Variants in LAMP1 observed in about 807,000 individuals in gnomAD.
The protein encoded by LAMP1 is lysosome-associated membrane glycoprotein 1.
In LAMP1, 7 loss-of-function variants were observed where a neutral mutation model predicts 37.5. The ratio of observed to expected loss-of-function variants is 0.19; its 90% confidence interval spans 0.11 to 0.35. The LOEUF (loss-of-function observed/expected upper bound fraction) is 0.35. LAMP1 is among the 10% of genes least tolerant of loss of function. The pLI is 1.00. For missense variants in LAMP1, 537 were observed against 552.8 expected (o/e 0.97, Z 0.29); for synonymous variants, 236 against 229.1 (o/e 1.03, Z -0.27).
At chr13:113,316,865 C>T (rs1251876152) in intron 4 of LAMP1, among the ~76,000 whole-genome samples, 1 of 149,144 alleles carries the variant, frequency 6.7e-6, no homozygotes, top group East Asian at 2.0e-4. Context: ...GCAACTGAGA[C>T]TCTGTCTCAA....
chr13:113,298,453 C>T (rs1296828785), intron 1 of LAMP1, among the ~76,000 whole-genome samples: 2 of 148,688 alleles, frequency 1.3e-5, no homozygotes, highest in Non-Finnish European at 3.0e-5. Flanking sequence ...ATCTTAAATG[C>T]CAGGATCTGA....
chr13:113,309,608 C>T (rs2042618208), intron 2 of LAMP1, 35 bp from the exon 3 acceptor site: 1 of 1,504,118 alleles, frequency 6.6e-7, no homozygotes, highest in Non-Finnish European at 9.2e-7. Context: ...TAACCTGCAT[C>T]CCAATTGGGT....
chr13:113,312,031 C>T (rs970055997), intron 4 of LAMP1, among the ~76,000 whole-genome samples: 1 of 152,184 alleles, frequency 6.6e-6, no homozygotes, highest in Admixed American at 6.5e-5. Context: ...ACATCACAGC[C>T]TTCTCTAATC....
intron 1 of LAMP1, among the ~76,000 whole-genome samples, chr13:113,300,501 AAAAAG>A (rs1413413060): frequency 3.3e-5 from 5 of 150,138 alleles, no homozygotes; most frequent in African/African-American, 1.2e-4. Context: ...AAAAAAAAAA[AAAAAG>A]AAAAAGAAAA....
chr13:113,310,718 C>A lies in LAMP1; in HGVS notation c.413C>A (p.Thr138Asn). 1 of 1,578,270 alleles carries A rather than the reference C, an allele frequency of 6.3e-7. No individual in the cohort carries two copies. Among genetic ancestry groups the A allele is most frequent in the Non-Finnish European group, 8.6e-7 (1 of 1,163,130 alleles). Residue 138 changes from threonine to asparagine, a missense_variant, in exon 4 of 9, where the codon ACT becomes AAT. Coordinates refer to ENST00000332556, the MANE Select transcript of LAMP1 (RefSeq NM_005561.4). ...TTTTTTTTTAATCTAGAAATCAAGA[C>A]TGTGGAATCTATAACTGACATCAGG... Reference protein sequence around the residue: ...FPNASSKEIKTVESITDIRAD... With the variant: ...FPNASSKEIKNVESITDIRAD...
chr13:113,316,407 C>A (rs1389870660), intron 4 of LAMP1, among the ~76,000 whole-genome samples: 1 of 141,614 alleles, frequency 7.1e-6, no homozygotes, highest in African/African-American at 2.6e-5. Flanking sequence ...TCATCTCCCA[C>A]CCAATTTGGC....
rs938807573 is a variant in LAMP1, at chr13:113,323,526, T to TGTC, written c.*1106_*1108dup. 1 of 150,828 alleles carries TGTC rather than the reference T, an allele frequency of 6.6e-6. No individual in the cohort carries two copies. The highest frequency in any genetic ancestry group is 2.4e-5 in the African/African-American group (1 of 40,944). The allele number at this position is 150,828 out of a possible 1,614,324, so 9.3% of individuals were successfully genotyped here. On this transcript the variant is annotated 3_prime_UTR_variant, in exon 9 of 9. Transcript: ENST00000332556. ...GGTGGTCTCGGTGCAGAGAGAAGGG[T>TGTC]GTCAGGGAAACGGGGGGTGAGGGTG... is the stretch of plus-strand genomic sequence containing the variant.
chr13:113,319,578 G>A lies in LAMP1; in HGVS notation c.672G>A (p.Val224=), dbSNP rs775096058. 9 of 1,613,838 alleles carry A rather than the reference G, an allele frequency of 5.6e-6. No homozygotes were observed. The highest frequency in any genetic ancestry group is 1.6e-4 in the Middle Eastern group (1 of 6,080). Residue 224 remains valine (V), a synonymous_variant, in exon 5 of 9, where the codon GTG becomes GTA. Coordinates refer to ENST00000332556, the MANE Select transcript of LAMP1 (RefSeq NM_005561.4). ...PKSPSVDKYN[V]SGTNGTCLLA... ...GCCCCTCTGTGGACAAGTACAACGT[G>A]AGCGGCACCAACGGGACCTGCCTGC... is the stretch of plus-strand genomic sequence containing the variant.
intron 4 of LAMP1, among the ~76,000 whole-genome samples, chr13:113,313,935 A>G (rs1239519936): frequency 0.028 from 556 of 19,640 alleles, no homozygotes; most frequent in Admixed American, 0.037. Flanking sequence ...GTGGCCTCCT[A>G]GAGGGAGTCA....
At position 113,320,570 on chromosome 13, in the gene LAMP1, G is replaced by A; in HGVS notation, c.876+100G>A. The A allele has an allele frequency of 7.4e-7, 1 of 1,344,822 alleles. No individual in the cohort carries two copies. Among genetic ancestry groups the A allele is most frequent in the Non-Finnish European group, 1.0e-6 (1 of 990,776 alleles). The allele number at this position is 1,344,822 out of a possible 1,614,324, so 83.3% of individuals were successfully genotyped here. On this transcript the variant is annotated intron_variant, in intron 6 of 8. Transcript: ENST00000332556. The surrounding 1 kb of genome is among the most constrained non-coding windows in gnomAD (Gnocchi z 4.4). ...CATGGGAGGCAGCGTTAGGAAGGAG[G>A]CGGCCTCACTTTTTTCTGCCTTCCC...
rs375412629 is a variant in LAMP1 at position 113,321,405 on chromosome 13, A to G, written c.878A>G (p.Asn293Ser). 7 of 1,612,962 alleles carry G rather than the reference A, an allele frequency of 4.3e-6. No homozygotes were observed. The African/African-American group carries it at 9.3e-5, about 21-fold the overall frequency. ...TTAAAGATCATTTTTCTTTTTAAGA[A>G]TGCAAGTTCTAGCCGGTTTTTCCTA... ...TTVLLFQFGM[N>S]ASSSRFFLQG... The change falls in exon 7 of 9, where the codon AAT (asparagine) becomes AGT (serine). Residue 293 changes from asparagine to serine, a missense_variant and splice_region_variant. Physicochemically the swap from Asn to Ser is conservative, Grantham distance 46. Coordinates refer to ENST00000332556, the MANE Select transcript of LAMP1 (RefSeq NM_005561.4). The surrounding 1 kb of genome is among the most constrained non-coding windows in gnomAD (Gnocchi z 5.6).
chr13:113,301,672 T>A (rs868528725), intron 1 of LAMP1, among the ~76,000 whole-genome samples: 1 of 75,266 alleles, frequency 1.3e-5, no homozygotes. Flanking sequence ...TATATATATA[T>A]ATATATATAT....
At position 113,309,800 on chromosome 13, in the gene LAMP1, A is replaced by T. The variant is rs765586426; in HGVS notation, c.341A>T (p.Gln114Leu). 21 of 1,613,994 alleles carry T rather than the reference A, an allele frequency of 1.3e-5. No individual in the cohort carries two copies. In the Admixed American group the frequency reaches 2.5e-4, roughly 19 times the overall value. Residue 114 changes from glutamine (Q) to leucine (L), a missense_variant, in exon 3 of 9, where the codon CAG becomes CTG. Gln to Leu is a moderately radical substitution (Grantham distance 113, BLOSUM62 -2). Transcript: ENST00000332556. ...AGAAATGCAACACGTTACAGCGTCC[A>T]GCTCATGAGTTTTGTTTATAACTTG... ...FTRNATRYSV[Q>L]LMSFVYNLSD...
chr13:113,308,324 CT>C (rs71101565), intron 2 of LAMP1, among the ~76,000 whole-genome samples: 45 of 60,432 alleles, frequency 7.4e-4, no homozygotes, highest in Admixed American at 5.1e-3. Context: ...CCTCCAAGCA[CT>C]TTTTTTTTTT....
At chr13:113,312,572 A>G (rs2042636214) in intron 4 of LAMP1, among the ~76,000 whole-genome samples, 2 of 152,192 alleles carry the variant, frequency 1.3e-5, no homozygotes, top group Non-Finnish European at 2.9e-5. Flanking sequence ...GTGGGCTCCC[A>G]TAGGGGAGGC....
intron 2 of LAMP1, 120 bp from the exon 3 acceptor site, chr13:113,309,523 T>A (rs187606661): frequency 1.4e-6 from 1 of 726,420 alleles, no homozygotes; most frequent in Non-Finnish European, 2.3e-6. Flanking sequence ...AGTACCTCAG[T>A]AGTGATATCT....
In LAMP1 at chr13:113,322,559, A is replaced by G. The variant is rs2042708746; in HGVS notation, c.*138A>G. On this transcript the variant is annotated 3_prime_UTR_variant, in exon 9 of 9. Coordinates refer to ENST00000332556, the MANE Select transcript of LAMP1 (RefSeq NM_005561.4). ...TCCAATGTGAAGTTCATCTTGCAGC[A>G]TTTACTATGCACAACAGAGTAACTA... 2 of 751,078 alleles carry G rather than the reference A, an allele frequency of 2.7e-6. No individual in the cohort carries two copies. The highest frequency in any genetic ancestry group is 2.0e-5 in the South Asian group (1 of 50,760). 46.5% of individuals were successfully genotyped at this position (751,078 alleles called of 1,614,324 possible).
chr13:113,299,139 CA>C (rs1413093851), intron 1 of LAMP1, among the ~76,000 whole-genome samples: 11 of 147,996 alleles, frequency 7.4e-5, no homozygotes, highest in African/African-American at 2.5e-4. Flanking sequence ...GACTCCGTCT[CA>C]AAACAAAAAA....
chr13:113,312,931 ATT>A, intron 4 of LAMP1, among the ~76,000 whole-genome samples: 1 of 152,138 alleles, frequency 6.6e-6, no homozygotes, highest in East Asian at 1.9e-4. Flanking sequence ...CGATTTCCAA[ATT>A]ATCTGGGCTC....
Sources: allele counts gnomAD v4.1 joint callset (sites outside exome capture counted in the v4.1 genomes callset), GRCh38; gene constraint gnomAD v4.1.1; non-coding constraint Gnocchi (gnomAD v3.1); transcripts MANE v1.5; gene names NCBI Gene and HGNC (gene_info 2026-07-23, HGNC 2026-07-21).